DLG2: variants seen among roughly 807,000 people sequenced by gnomAD.
DLG2 encodes disks large homolog 2.
A neutral mutation model predicts 132.5 loss-of-function variants in DLG2; 45 were observed. The observed-to-expected ratio is 0.34, with a 90% CI of 0.27 to 0.44. The LOEUF is 0.44. Among genes scored for constraint, DLG2 ranks in the 20% least tolerant of loss-of-function variants. The probability of loss-of-function intolerance (pLI) is 1.00; values close to 1 mark genes in which losing one functional copy is unlikely to be tolerated. For missense variants in DLG2, 1,045 were observed against 1,196.9 expected (o/e 0.87, Z 1.87); for synonymous variants, 424 against 419.6 (o/e 1.01, Z -0.13).
intron 7 of DLG2, among the ~76,000 whole-genome samples, chr11:84,418,424 T>C (rs1455294919): frequency 1.3e-5 from 2 of 152,168 alleles, no homozygotes; most frequent in Non-Finnish European, 2.9e-5. Context: ...TTTAATTTCG[T>C]CCTTATACCA....
chr11:85,341,222 C>T (rs962079067), intron 3 of DLG2, among the ~76,000 whole-genome samples: 2 of 152,090 alleles, frequency 1.3e-5, no homozygotes, highest in Non-Finnish European at 2.9e-5. Flanking sequence ...AAGTTCATGC[C>T]ATTCTCCTGC....
At chr11:84,814,839 T>C (rs2076935695) in intron 6 of DLG2, among the ~76,000 whole-genome samples, 1 of 152,122 alleles carries the variant, frequency 6.6e-6, no homozygotes, top group Admixed American at 6.6e-5. Context: ...AATAACAATA[T>C]GGAAAGAGGT....
chr11:85,426,051 G>A (rs1028375540), intron 3 of DLG2, among the ~76,000 whole-genome samples: 1 of 152,220 alleles, frequency 6.6e-6, no homozygotes, highest in Non-Finnish European at 1.5e-5. Context: ...TAGCGCAGCA[G>A]TCTGAGATCA....
chr11:85,221,324 TGG>T (rs1273219508), intron 4 of DLG2, among the ~76,000 whole-genome samples: 1 of 152,126 alleles, frequency 6.6e-6, no homozygotes, highest in Non-Finnish European at 1.5e-5. Context: ...CCCAAAGTGC[TGG>T]GATTACAGAC....
chr11:85,272,085 G>C (rs1264348736), intron 4 of DLG2, among the ~76,000 whole-genome samples: 2 of 152,146 alleles, frequency 1.3e-5, no homozygotes, highest in African/African-American at 4.8e-5. Flanking sequence ...TTGTGGGAGG[G>C]ACCTGGTGAG....
chr11:85,051,137 G>A (rs1183853590), intron 6 of DLG2, among the ~76,000 whole-genome samples: 2 of 152,100 alleles, frequency 1.3e-5, no homozygotes, highest in African/African-American at 4.8e-5. Flanking sequence ...AAATGAAGAG[G>A]GTTGTTTCTA....
intron 6 of DLG2, among the ~76,000 whole-genome samples, chr11:84,990,419 C>T (rs181501461): frequency 6.6e-6 from 1 of 152,270 alleles, no homozygotes; most frequent in African/African-American, 2.4e-5. Flanking sequence ...GTCTGTTTGG[C>T]CCCTTTTTGC....
At chr11:84,647,341 A>G (rs945934825) in intron 6 of DLG2, among the ~76,000 whole-genome samples, 8 of 152,162 alleles carry the variant, frequency 5.3e-5, no homozygotes, top group African/African-American at 1.9e-4. Flanking sequence ...AATCATCACC[A>G]AATTAATATT....
At chr11:84,377,299 A>G (rs778093108) in intron 7 of DLG2, among the ~76,000 whole-genome samples, 1 of 151,972 alleles carries the variant, frequency 6.6e-6, no homozygotes, top group Middle Eastern at 3.2e-3. Flanking sequence ...ATTAAATTTT[A>G]AAAAAAGGAA....
chr11:85,602,737 C>T (rs867018073), intron 2 of DLG2, among the ~76,000 whole-genome samples: 5 of 152,190 alleles, frequency 3.3e-5, no homozygotes, highest in South Asian at 2.1e-4. Flanking sequence ...GACTTCAGCT[C>T]TTAGACCTCT....
chr11:84,515,225 A>G (rs912471194), intron 7 of DLG2, among the ~76,000 whole-genome samples: 2 of 151,272 alleles, frequency 1.3e-5, no homozygotes, highest in Non-Finnish European at 3.0e-5. Context: ...TTAAATATAA[A>G]TAGATTAAAT....
At chr11:83,848,388 T>A (rs1288826777) in intron 16 of DLG2, among the ~76,000 whole-genome samples, 1 of 152,188 alleles carries the variant, frequency 6.6e-6, no homozygotes, top group Admixed American at 6.5e-5. Context: ...CTAATTCATA[T>A]CTCTAGCTCA....
intron 16 of DLG2, among the ~76,000 whole-genome samples, chr11:83,850,476 G>T (rs751332311): frequency 3.3e-5 from 5 of 152,070 alleles, no homozygotes; most frequent in African/African-American, 1.2e-4. Flanking sequence ...TAATAGATAG[G>T]AGAGCACTGA....
At chr11:85,308,731 T>G (rs2080125470) in intron 3 of DLG2, among the ~76,000 whole-genome samples, 1 of 152,178 alleles carries the variant, frequency 6.6e-6, no homozygotes, top group African/African-American at 2.4e-5. Context: ...CTTCCACGAC[T>G]CTAACTAATA....
chr11:85,296,948 AATTAT>A (rs2079267988), intron 3 of DLG2, among the ~76,000 whole-genome samples: 1 of 150,294 alleles, frequency 6.7e-6, no homozygotes, highest in African/African-American at 2.4e-5. Flanking sequence ...GTAGTGTACA[AATTAT>A]ATTAATTATA....
At chr11:84,405,676 T>C (rs928458934) in intron 7 of DLG2, among the ~76,000 whole-genome samples, 4 of 151,900 alleles carry the variant, frequency 2.6e-5, no homozygotes, top group African/African-American at 9.7e-5. Flanking sequence ...AATAAAAAGA[T>C]GAATGAAATA....
chr11:83,806,719 C>T (rs565356660), intron 17 of DLG2, among the ~76,000 whole-genome samples: 43 of 152,250 alleles, frequency 2.8e-4, no homozygotes, highest in Admixed American at 2.0e-3. Context: ...TACAGCTTTA[C>T]GTGCTTGATG....
At position 83,872,830 on chromosome 11, in the gene DLG2, T is replaced by A. The variant is rs181928781; in HGVS notation, c.1565+1590A>T. The stretch of plus-strand genomic sequence containing the variant: ...ACCCTGAGCCCTGCCAAGAGAGGTC[T>A]TCAAAAGGAATAATAAAGTGAGGTA... On this transcript the variant is annotated intron_variant, in intron 16 of 27. Coordinates refer to ENST00000376104, the MANE Select transcript of DLG2 (RefSeq NM_001142699.3). Among the ~76,000 whole-genome samples, 15 of 152,286 alleles carry A rather than the reference T, an allele frequency of 9.8e-5. No individual in the cohort carries two copies. In the East Asian group the frequency reaches 2.9e-3, roughly 29 times the overall value.
chr11:85,352,739 G>T (rs2083390937), intron 3 of DLG2, among the ~76,000 whole-genome samples: 1 of 152,132 alleles, frequency 6.6e-6, no homozygotes, highest in Non-Finnish European at 1.5e-5. Flanking sequence ...AATCGGGAAA[G>T]GATTCCCTAT....
Sources: allele counts gnomAD v4.1 joint callset (sites outside exome capture counted in the v4.1 genomes callset), GRCh38; gene constraint gnomAD v4.1.1; transcripts MANE v1.5; gene names NCBI Gene and HGNC (gene_info 2026-07-23, HGNC 2026-07-21).